Variants in PRDM10 observed in about 807,000 individuals in gnomAD.
The protein encoded by PRDM10 is PR domain zinc finger protein 10.
PRDM10 carries 65 observed loss-of-function variants against 133.1 expected under a neutral mutation model. That is an observed-to-expected ratio of 0.49 (90% CI 0.40 to 0.60). The LOEUF is 0.60. Ranked by LOEUF, PRDM10 falls within the 20% of genes least tolerant of loss-of-function variation. The pLI is 0.00. For missense variants in PRDM10, 1,137 were observed against 1,507.1 expected, an observed-to-expected ratio of 0.75 and a Z score of 4.07; for synonymous variants, 582 against 580.4, an observed-to-expected ratio of 1.00 and a Z score of -0.04.
intron 11 of PRDM10, among the ~76,000 whole-genome samples, chr11:129,929,799 T>TA (rs1180033949): frequency 5.5e-5 from 8 of 146,730 alleles, no homozygotes; most frequent in Admixed American, 2.1e-4. Flanking sequence ...CTGGACTTAG[T>TA]AAAAAAAATC....
chr11:129,919,120 T>C (rs766537332), intron 13 of PRDM10, among the ~76,000 whole-genome samples: 12 of 152,128 alleles, frequency 7.9e-5, no homozygotes, highest in Non-Finnish European at 1.5e-4. Context: ...CCTGTAATCC[T>C]AGCACTTTGG....
intron 1 of PRDM10, among the ~76,000 whole-genome samples, chr11:129,985,450 C>T (rs1001323699): frequency 2.6e-5 from 4 of 152,062 alleles, no homozygotes; most frequent in African/African-American, 7.2e-5. Context: ...CCAAGCCACA[C>T]AAAATCAAAA....
At chr11:129,989,358 G>A (rs1938606856) in intron 1 of PRDM10, among the ~76,000 whole-genome samples, 1 of 152,170 alleles carries the variant, frequency 6.6e-6, no homozygotes, top group South Asian at 2.1e-4. Flanking sequence ...TATGAATAAT[G>A]AATTTAGAAA....
Position 129,942,637 on chromosome 11 carries a change from A to G in PRDM10, c.763-8T>C. On this transcript the variant is annotated splice_region_variant and splice_polypyrimidine_tract_variant and intron_variant, in intron 6 of 20. Transcript: ENST00000360871. The stretch of plus-strand genomic sequence containing the variant: ...CCCTTTATCAAGAGAAACCTGCACG[A>G]AAAAAAAGCCACACCAAAAACAAAA... The G allele has an allele frequency of 6.3e-7, 1 of 1,592,600 alleles. No individual in the cohort carries two copies. Among genetic ancestry groups the G allele is most frequent in the East Asian group, 2.2e-5 (1 of 44,632 alleles).
intron 1 of PRDM10, among the ~76,000 whole-genome samples, chr11:129,962,708 C>A (rs926028143): frequency 6.6e-6 from 1 of 152,098 alleles, no homozygotes; most frequent in African/African-American, 2.4e-5. Context: ...TTAAATTATA[C>A]CCTAATAAAG....
At chr11:129,936,729 GA>G (rs576055733) in intron 8 of PRDM10, among the ~76,000 whole-genome samples, 12 of 152,116 alleles carry the variant, frequency 7.9e-5, no homozygotes, top group Non-Finnish European at 1.3e-4. Context: ...GAGCTACTGG[GA>G]ACCTCCTAAC....
chr11:129,910,567 C>A lies in PRDM10; in HGVS notation c.3072G>T (p.Gly1024=). The change falls in exon 19 of 21, where the codon GGG becomes GGT. Residue 1024 remains glycine, a synonymous_variant. Transcript: ENST00000360871. ...SHIQGSSSTQ[G]QALQQQQQQQ... is the part of the protein sequence containing the mutation. The stretch of plus-strand genomic sequence containing the variant: ...GCTGCTGCTGCTGCTGCAGAGCCTG[C>A]CCCTGTGTGGAAGAACTGCCCTGGA... 6.2e-7 allele frequency: 1 copy of A among 1,613,974 alleles called. No individual in the cohort carries two copies. The highest frequency in any genetic ancestry group is 8.5e-7 in the Non-Finnish European group (1 of 1,179,994).
At chr11:129,940,779 G>A (rs963780204) in intron 7 of PRDM10, among the ~76,000 whole-genome samples, 1 of 152,098 alleles carries the variant, frequency 6.6e-6, no homozygotes, top group African/African-American at 2.4e-5. Context: ...TGTCCATCTG[G>A]GTGCAGTGAG....
chr11:129,974,311 G>A (rs1591681306), intron 1 of PRDM10, among the ~76,000 whole-genome samples: 2 of 152,030 alleles, frequency 1.3e-5, no homozygotes, highest in Admixed American at 1.3e-4. Flanking sequence ...GGAAAGAAAG[G>A]AATACAAAAG....
At chr11:129,994,905 G>A (rs957636908) in intron 1 of PRDM10, among the ~76,000 whole-genome samples, 5 of 151,982 alleles carry the variant, frequency 3.3e-5, no homozygotes, top group Middle Eastern at 3.2e-3. Flanking sequence ...CGCCTGCCTC[G>A]GCCTCCCAAA....
At chr11:129,985,599 C>G (rs907628850) in intron 1 of PRDM10, among the ~76,000 whole-genome samples, 1 of 151,486 alleles carries the variant, frequency 6.6e-6, no homozygotes, top group Non-Finnish European at 1.5e-5. Flanking sequence ...TGAGACCAGC[C>G]TGGTCAGTAG....
intron 1 of PRDM10, among the ~76,000 whole-genome samples, chr11:129,965,912 A>C (rs1455550864): frequency 1.3e-5 from 2 of 152,094 alleles, no homozygotes; most frequent in Non-Finnish European, 2.9e-5. Context: ...GGGCGTTAGT[A>C]AGCCAAACAC....
intron 16 of PRDM10, among the ~76,000 whole-genome samples, chr11:129,915,392 C>G (rs1246661565): frequency 6.6e-6 from 1 of 152,332 alleles, no homozygotes; most frequent in East Asian, 1.9e-4. Context: ...ACAGAACATT[C>G]AAACGTGAGG....
At chr11:129,994,092 T>C (rs1257648775) in intron 1 of PRDM10, among the ~76,000 whole-genome samples, 1 of 152,030 alleles carries the variant, frequency 6.6e-6, no homozygotes, top group African/African-American at 2.4e-5. Context: ...TTTAAAACCA[T>C]GAATCTGAAA....
intron 11 of PRDM10, among the ~76,000 whole-genome samples, chr11:129,929,119 TAGAC>T (rs1391597828): frequency 6.6e-6 from 1 of 152,220 alleles, no homozygotes; most frequent in African/African-American, 2.4e-5. Context: ...TAGTGCCAAA[TAGAC>T]AGTTAGAACT....
chr11:129,914,105 A>C (rs925639552), intron 17 of PRDM10, among the ~76,000 whole-genome samples: 1 of 152,024 alleles, frequency 6.6e-6, no homozygotes, highest in Non-Finnish European at 1.5e-5. Flanking sequence ...AGGTTCAAGC[A>C]ATTCTCCTGC....
intron 1 of PRDM10, among the ~76,000 whole-genome samples, chr11:129,966,347 G>A (rs1190594966): frequency 2.0e-5 from 3 of 152,156 alleles, no homozygotes; most frequent in South Asian, 2.1e-4. Context: ...TACAAAGTAC[G>A]TTCCCCCCAT....
At chr11:129,944,357 G>C (rs139908882) in intron 6 of PRDM10, among the ~76,000 whole-genome samples, 6,064 of 152,236 alleles carry the variant, frequency 0.04, 180 homozygotes, top group East Asian at 0.12. Context: ...CACTTTGGGA[G>C]GCCAAGGCGG....
Position 129,900,630 on chromosome 11 carries a change from C to T in PRDM10, c.*1683G>A, listed in dbSNP as rs1949819816. ...ACTAGTCTTCTCCTAGAAAGTCTTTCTAGACCGGACACTAGGATATTTGTA... is the reference window on the plus strand; with the variant it reads ...ACTAGTCTTCTCCTAGAAAGTCTTTTTAGACCGGACACTAGGATATTTGTA... On this transcript the variant is annotated 3_prime_UTR_variant, in exon 21 of 21. Coordinates refer to ENST00000360871, the MANE Select transcript of PRDM10 (RefSeq NM_199437.2). The T allele has an allele frequency of 6.6e-6, 1 of 152,246 alleles. No homozygotes were observed. The highest frequency in any genetic ancestry group is 1.5e-5 in the Non-Finnish European group (1 of 68,024). 9.4% of individuals were successfully genotyped at this position (152,246 alleles called of 1,614,324 possible). A position where few individuals can be genotyped will look rare whatever the true frequency, so the allele number is the denominator to read the frequency against.
Sources: gnomAD v4.1 joint callset for allele counts (sites outside exome capture counted in the v4.1 genomes callset) on GRCh38, gnomAD v4.1.1 for gene constraint, MANE v1.5 for transcripts, NCBI Gene and HGNC (gene_info 2026-07-23, HGNC 2026-07-21) for gene names.